Variants in BAZ2A observed in about 807,000 individuals in gnomAD.
BAZ2A encodes the protein bromodomain adjacent to zinc finger domain 2A.
In BAZ2A, 34 loss-of-function variants were observed where a neutral mutation model predicts 199.9. That is an observed-to-expected ratio of 0.17 (90% CI 0.13 to 0.23). The LOEUF (loss-of-function observed/expected upper bound fraction) is 0.23. BAZ2A is among the 10% of genes least tolerant of loss of function. The pLI is 1.00. For missense variants in BAZ2A, 2,002 were observed against 2,391.1 expected, an observed-to-expected ratio of 0.84 and a Z score of 3.39; for synonymous variants, 857 against 883.9, an observed-to-expected ratio of 0.97 and a Z score of 0.54.
intron 10 of BAZ2A, among the ~76,000 whole-genome samples, chr12:56,609,305 T>A (rs1950483214): frequency 6.6e-6 from 1 of 151,798 alleles, no homozygotes; most frequent in Non-Finnish European, 1.5e-5. Context: ...CTCAGCCTCC[T>A]GGGTAACTGG....
intron 1 of BAZ2A, among the ~76,000 whole-genome samples, chr12:56,622,860 C>T (rs1182035800): frequency 6.6e-6 from 1 of 152,164 alleles, no homozygotes; most frequent in East Asian, 1.9e-4. Context: ...CAATAAAGCC[C>T]TCCCCACAGG....
At chr12:56,616,512 C>T (rs1950728667) in intron 2 of BAZ2A, among the ~76,000 whole-genome samples, 1 of 152,126 alleles carries the variant, frequency 6.6e-6, no homozygotes, top group Non-Finnish European at 1.5e-5. Context: ...AGGTAATATG[C>T]CAGCTGGCGG....
chr12:56,604,898 G>A, intron 14 of BAZ2A, 99 bp from the exon 15 acceptor site: 1 of 1,406,216 alleles, frequency 7.1e-7, no homozygotes, highest in Non-Finnish European at 9.6e-7. Context: ...GAACTATGGG[G>A]GTTAAGACAG....
At chr12:56,615,674 C>CAA in intron 2 of BAZ2A, 67 bp from the exon 3 acceptor site, 1 of 1,205,200 alleles carries the variant, frequency 8.3e-7, no homozygotes, top group Non-Finnish European at 1.1e-6. Flanking sequence ...AAAACAAACT[C>CAA]AAAGTAATAG....
In BAZ2A at chr12:56,610,544, C is replaced by T. The variant is rs189150787; in HGVS notation, c.1671-27G>A. On this transcript the variant is annotated intron_variant, in intron 7 of 28. Transcript: ENST00000549884. ...TGCCAGAGAAGCACATGGGCCCTGC[C>T]GCCAGGTCACACCCCTACCCACTCC... The T allele has an allele frequency of 3.6e-4, 580 of 1,592,570 alleles. 1 individual carries two copies. Among genetic ancestry groups the T allele is most frequent in the South Asian group, 8.7e-4 (77 of 88,328 alleles).
chr12:56,604,328 C>T lies in BAZ2A; in HGVS notation c.2964-37G>A, dbSNP rs1241905846. On this transcript the variant is annotated intron_variant, in intron 15 of 28. Coordinates refer to ENST00000549884, the MANE Select transcript of BAZ2A (RefSeq NM_001300905.2). ...TAGGGAATAGGATGAAGTGGCAGCA[C>T]AAAAAAAGGGAAAGGAGGCTCAAGG... 8 of 1,566,790 alleles carry T rather than the reference C, an allele frequency of 5.1e-6. No homozygotes were observed. In the African/African-American group the frequency reaches 1.1e-4, roughly 21 times the overall value.
chr12:56,620,915 A>G (rs1365053390), intron 1 of BAZ2A, among the ~76,000 whole-genome samples: 1 of 152,142 alleles, frequency 6.6e-6, no homozygotes, highest in Non-Finnish European at 1.5e-5. Context: ...GGTCTGAAAG[A>G]TAAGCATCAT....
chr12:56,611,538 C>T, intron 7 of BAZ2A, 35 bp downstream of exon 7: 3 of 1,590,074 alleles, frequency 1.9e-6, no homozygotes, highest in Non-Finnish European at 1.7e-6. Flanking sequence ...TTAAACTTGT[C>T]AAGGTCAATA....
At chr12:56,612,645 T>TG (rs1445247369) in intron 5 of BAZ2A, among the ~76,000 whole-genome samples, 1 of 152,170 alleles carries the variant, frequency 6.6e-6, no homozygotes, top group Non-Finnish European at 1.5e-5. Flanking sequence ...TTTTTTGAGA[T>TG]GGAGTCTTGC....
rs1555204155 is a variant in BAZ2A at position 56,597,558 on chromosome 12, G to GCATGCACACACACACA, written c.*1059_*1060insTGTGTGTGTGTGCATG. 6.8e-4 allele frequency: 3 copies of GCATGCACACACACACA among 4,404 alleles called. No homozygotes were observed. Among genetic ancestry groups the GCATGCACACACACACA allele is most frequent in the African/African-American group, 2.2e-3 (3 of 1,360 alleles). The allele number at this position is 4,404 out of a possible 1,614,324, so 0.3% of individuals were successfully genotyped here. A position where few individuals can be genotyped will look rare whatever the true frequency, so the allele number is the denominator to read the frequency against. On this transcript the variant is annotated 3_prime_UTR_variant, in exon 29 of 29. Transcript: ENST00000549884. The stretch of plus-strand genomic sequence containing the variant: ...CCTATCAAACAATACAGGGTCACAA[G>GCATGCACACACACACA]CACGCACACACACACACACACACAG...
intron 1 of BAZ2A, 143 bp from the exon 2 acceptor site, chr12:56,617,675 A>G (rs901165825): frequency 3.3e-6 from 3 of 919,486 alleles, no homozygotes; most frequent in African/African-American, 3.5e-5. Flanking sequence ...AAGGTACAGA[A>G]TAAGAAAAGA....
chr12:56,601,320 C>T lies in BAZ2A; in HGVS notation c.4154G>A (p.Arg1385Gln), dbSNP rs779746163. The change falls in exon 21 of 29, where the codon CGA (arginine) becomes CAA (glutamine). Residue 1385 changes from arginine (R) to glutamine (Q), a missense_variant. Physicochemically the swap from Arg to Gln is conservative, Grantham distance 43 (BLOSUM62 1). This residue lies in a region of BAZ2A where 1,081 missense variants were observed against 1,274.7 expected (regional missense o/e 0.85). Coordinates refer to ENST00000549884, the MANE Select transcript of BAZ2A (RefSeq NM_001300905.2). ...TPLAGLAPKR[R>Q]AGDPGEMPQS... ...TGGCATTTCTCCAGGGTCTCCTGCT[C>T]GCCTCTTAGGGGCCAACCCAGCCAA... The T allele has an allele frequency of 4.3e-6, 7 of 1,614,036 alleles. No individual in the cohort carries two copies. The highest frequency in any genetic ancestry group is 1.6e-4 in the Middle Eastern group (1 of 6,062).
rs1314548045 is a variant in BAZ2A, at chr12:56,635,627, A to C, written c.4+555T>G. ...GCCCTGGTGAGGCTGATGTGGGACC[A>C]TGAGAATCGACTTTGGTTCAGTTTT... is the stretch of plus-strand genomic sequence containing the variant. On this transcript the variant is annotated intron_variant, in intron 1 of 29. Transcript: ENST00000379441. This position sits in a 1 kb window ranked among gnomAD's most constrained non-coding sequence, Gnocchi z 4.1. 6.6e-6 allele frequency among the ~76,000 whole-genome samples: 1 copy of C among 152,154 alleles called. No individual in the cohort carries two copies. Among genetic ancestry groups the C allele is most frequent in the East Asian group, 1.9e-4 (1 of 5,186 alleles).
rs1950272703 is a variant in BAZ2A, at chr12:56,604,211, C to T, written c.3038+6G>A. 2.5e-6 allele frequency: 4 copies of T among 1,601,550 alleles called. No individual in the cohort carries two copies. In the East Asian group the frequency reaches 9.0e-5, roughly 36 times the overall value. ...TCTGAGGCTCTACTCTCTGTCTGGT[C>T]CCTACCTCCGGAGCCGGCCTTCAAC... On this transcript the variant is annotated splice_donor_region_variant and intron_variant, in intron 16 of 28. Coordinates refer to ENST00000549884, the MANE Select transcript of BAZ2A (RefSeq NM_001300905.2).
chr12:56,599,924 G>A (rs367593448), intron 25 of BAZ2A, 40 bp downstream of exon 25: 20 of 1,613,022 alleles, frequency 1.2e-5, no homozygotes, highest in Non-Finnish European at 1.5e-5. Flanking sequence ...GCCCCTGCTG[G>A]CTGGCCCCTC....
intron 1 of BAZ2A, 81 bp from the exon 2 acceptor site, chr12:56,617,613 A>G: frequency 7.0e-7 from 1 of 1,419,338 alleles, no homozygotes. Context: ...AGGGGCAATG[A>G]CCCCTCCCCT....
In BAZ2A at chr12:56,611,560, C is replaced by G; in HGVS notation, c.1670+13G>C. The G allele has an allele frequency of 6.2e-7, 1 of 1,608,926 alleles. No individual in the cohort carries two copies. Among genetic ancestry groups the G allele is most frequent in the Non-Finnish European group, 8.5e-7 (1 of 1,175,370 alleles). On this transcript the variant is annotated intron_variant, in intron 7 of 28. Transcript: ENST00000549884. ...TGTCAAGGTCAATAAATGTAGCAAA[C>G]TAGAGCATTTACCCATGTTGGAGGG...
At chr12:56,636,326 C>T (rs1404543276) in exon 1 of BAZ2A, 1 of 1,484,434 alleles carries the variant, frequency 6.7e-7, no homozygotes, top group Non-Finnish European at 9.0e-7. Context: ...TGTATGCTTC[C>T]TGCGAACCAC....
In BAZ2A at chr12:56,630,180, G is replaced by A. The variant is rs891683956; in HGVS notation, c.-58C>T. 1 of 985,600 alleles carries A rather than the reference G, an allele frequency of 1.0e-6. No homozygotes were observed. The highest frequency in any genetic ancestry group is 1.2e-6 in the Non-Finnish European group (1 of 830,042). The allele number at this position is 985,600 out of a possible 1,614,324, so 61.1% of individuals were successfully genotyped here. A position where few individuals can be genotyped will look rare whatever the true frequency, so the allele number is the denominator to read the frequency against. ...GCTCGTCTCTCCCCGGGGTACAAGC[G>A]GTTCACATGGCCGCGCTCCGGGCGC... On this transcript the variant is annotated 5_prime_UTR_variant, in exon 1 of 29. Transcript: ENST00000549884.
Sources: allele counts gnomAD v4.1 joint callset (sites outside exome capture counted in the v4.1 genomes callset), GRCh38; gene constraint gnomAD v4.1.1; regional missense constraint gnomAD v4.1.1; non-coding constraint Gnocchi (gnomAD v3.1); transcripts MANE v1.5; gene names NCBI Gene and HGNC (gene_info 2026-07-23, HGNC 2026-07-21).